TMEM117: variants seen among roughly 807,000 people sequenced by gnomAD.
The protein encoded by TMEM117 is transmembrane protein 117.
Under a neutral mutation model 52.4 loss-of-function variants are expected in TMEM117, and 27 were observed. The ratio of observed to expected loss-of-function variants is 0.51; its 90% CI spans 0.38 to 0.71. The LOEUF is 0.71. TMEM117 is among the 30% of genes least tolerant of loss of function. The pLI is 0.00. For synonymous variants in TMEM117, 215 were observed against 206.3 expected, an observed-to-expected ratio of 1.04 and a Z score of -0.36; for missense variants, 556 against 630.5, an observed-to-expected ratio of 0.88 and a Z score of 1.26.
chr12:44,043,007 C>T lies in TMEM117; in HGVS notation c.410+98665C>T, dbSNP rs545985941. Among the ~76,000 whole-genome samples, 10 of 152,172 alleles carry T rather than the reference C, an allele frequency of 6.6e-5. No homozygotes were observed. The East Asian group carries it at 1.2e-3, about 18-fold the overall frequency. ...ATGGAGAACACTGATTAGTCCTCAG[C>T]GTGAATTGTTTAGAGAGTTATGCAA... On this transcript the variant is annotated intron_variant, in intron 3 of 7. Transcript: ENST00000266534.
At chr12:44,188,311 A>G (rs1949305368) in intron 4 of TMEM117, among the ~76,000 whole-genome samples, 1 of 151,838 alleles carries the variant, frequency 6.6e-6, no homozygotes, top group Non-Finnish European at 1.5e-5. Context: ...ATCCTGATCC[A>G]TTTTTCCTTA....
At chr12:44,182,979 T>C (rs186224158) in intron 4 of TMEM117, among the ~76,000 whole-genome samples, 1 of 152,306 alleles carries the variant, frequency 6.6e-6, no homozygotes, top group Admixed American at 6.5e-5. Flanking sequence ...TTAAGGATAA[T>C]AAAATAATCC....
chr12:44,021,449 G>A (rs1946454885), intron 3 of TMEM117, among the ~76,000 whole-genome samples: 1 of 152,302 alleles, frequency 6.6e-6, no homozygotes, highest in East Asian at 1.9e-4. Context: ...TATAGAACGG[G>A]CTAAAGAAGG....
intron 5 of TMEM117, chr12:44,248,434 A>C (rs1183129909): frequency 1.3e-5 from 2 of 152,456 alleles, no homozygotes; most frequent in Non-Finnish European, 2.9e-5. Flanking sequence ...AAGCCCTGCC[A>C]ATTCCTCAAG....
At chr12:43,918,742 T>C (rs559739699) in intron 2 of TMEM117, among the ~76,000 whole-genome samples, 42 of 152,330 alleles carry the variant, frequency 2.8e-4, no homozygotes, top group Admixed American at 4.6e-4. Context: ...GCTACTGAGT[T>C]CCACAGCTGT....
intron 3 of TMEM117, among the ~76,000 whole-genome samples, chr12:44,116,930 G>T (rs148485607): frequency 6.6e-6 from 1 of 152,088 alleles, no homozygotes; most frequent in African/African-American, 2.4e-5. Flanking sequence ...TTATCTCATC[G>T]TAACCTTATG....
chr12:44,371,798 A>G (rs1294321076), intron 6 of TMEM117, among the ~76,000 whole-genome samples: 1 of 152,204 alleles, frequency 6.6e-6, no homozygotes, highest in Non-Finnish European at 1.5e-5. Context: ...TACATATTTA[A>G]CAGTGAACTG....
chr12:44,344,830 G>A (rs1951463581), intron 6 of TMEM117, among the ~76,000 whole-genome samples: 1 of 151,992 alleles, frequency 6.6e-6, no homozygotes, highest in South Asian at 2.1e-4. Context: ...TTGCTACATA[G>A]AGGAGATCCT....
At chr12:44,160,118 A>G (rs1179985464) in intron 4 of TMEM117, among the ~76,000 whole-genome samples, 2 of 152,188 alleles carry the variant, frequency 1.3e-5, no homozygotes, top group African/African-American at 2.4e-5. Context: ...AAGGATAAAA[A>G]TAAGTACCGA....
intron 2 of TMEM117, among the ~76,000 whole-genome samples, chr12:43,864,846 CT>C (rs1943558082): frequency 6.6e-6 from 1 of 152,190 alleles, no homozygotes; most frequent in African/African-American, 2.4e-5. Context: ...ATAAATCTTG[CT>C]GCTGCTCACT....
chr12:43,923,404 G>A (rs540457648), intron 2 of TMEM117, among the ~76,000 whole-genome samples: 2 of 152,212 alleles, frequency 1.3e-5, no homozygotes, highest in East Asian at 3.9e-4. Context: ...GGTGGCATCT[G>A]GTCACACATT....
intron 3 of TMEM117, among the ~76,000 whole-genome samples, chr12:44,067,065 T>C (rs936916450): frequency 2.0e-5 from 3 of 152,092 alleles, no homozygotes; most frequent in African/African-American, 7.3e-5. Context: ...GAAAATACTT[T>C]CTTTGCTCAT....
At chr12:44,021,799 A>G (rs1348295278) in intron 3 of TMEM117, among the ~76,000 whole-genome samples, 1 of 152,052 alleles carries the variant, frequency 6.6e-6, no homozygotes, top group Non-Finnish European at 1.5e-5. Context: ...CCCTTGCCCT[A>G]TTCTCCTTCT....
intron 5 of TMEM117, among the ~76,000 whole-genome samples, chr12:44,250,863 G>A (rs962920757): frequency 1.3e-5 from 2 of 152,098 alleles, no homozygotes; most frequent in South Asian, 2.1e-4. Context: ...GGGAGGGATA[G>A]CATTAGGACA....
intron 2 of TMEM117, among the ~76,000 whole-genome samples, chr12:43,906,462 CA>C (rs3064352): frequency 1.6e-4 from 22 of 141,342 alleles, no homozygotes; most frequent in African/African-American, 2.9e-4. Flanking sequence ...GACGCTGTCT[CA>C]AAAAAAAAAA....
chr12:43,964,722 G>A (rs1471193393), intron 3 of TMEM117, among the ~76,000 whole-genome samples: 3 of 152,330 alleles, frequency 2.0e-5, no homozygotes, highest in Admixed American at 6.5e-5. Flanking sequence ...GGACTGACTG[G>A]TGGCTACTAC....
At chr12:43,845,075 G>T in intron 2 of TMEM117, 147 bp downstream of exon 2, 1 of 823,352 alleles carries the variant, frequency 1.2e-6, no homozygotes, top group Non-Finnish European at 1.8e-6. Context: ...TTGTAACTGG[G>T]TTCTTCAACT....
chr12:44,308,198 T>A (rs78835640), intron 6 of TMEM117, among the ~76,000 whole-genome samples: 6,279 of 152,302 alleles, frequency 0.041, 137 homozygotes, highest in African/African-American at 0.054. Flanking sequence ...GAACATGATT[T>A]AAAAAACTGG....
chr12:43,820,906 T>C, the TMEM117 span, among the ~76,000 whole-genome samples: 1 of 151,696 alleles, frequency 6.6e-6, no homozygotes, highest in Non-Finnish European at 1.5e-5. Context: ...CCATCCTGGC[T>C]AACACGGTGA....
Sources: allele counts gnomAD v4.1 joint callset (sites outside exome capture counted in the v4.1 genomes callset), GRCh38; gene constraint gnomAD v4.1.1; transcripts MANE v1.5; gene names NCBI Gene and HGNC (gene_info 2026-07-23, HGNC 2026-07-21).